The following ERG variants were observed in gnomAD, a reference collection of about 807,000 sequenced individuals.
ERG encodes the protein ETS transcription factor ERG.
In ERG, 9 loss-of-function variants were observed where a neutral mutation model predicts 55.3. The ratio of observed to expected loss-of-function variants is 0.16; its 90% CI spans 0.10 to 0.28. ERG has a LOEUF of 0.28. ERG is among the 10% of genes least tolerant of loss of function. The pLI, the probability that ERG is intolerant of heterozygous loss-of-function variation, is 1.00. For synonymous variants in ERG, 223 were observed against 237.3 expected (o/e 0.94, Z 0.55); for missense variants, 434 against 631.6 (o/e 0.69, Z 3.35).
intron 1 of ERG, among the ~76,000 whole-genome samples, chr21:38,642,089 GT>G (rs2060428596): frequency 6.6e-6 from 1 of 152,236 alleles, no homozygotes; most frequent in Non-Finnish European, 1.5e-5. Context: ...ATACTAGACA[GT>G]TTAAAAGTAA....
chr21:38,572,045 T>C (rs965923624), intron 2 of ERG, among the ~76,000 whole-genome samples: 17 of 152,258 alleles, frequency 1.1e-4, no homozygotes, highest in African/African-American at 3.6e-4. Flanking sequence ...AAAGGAACCA[T>C]TCATGTGCCA....
upstream of ERG, among the ~76,000 whole-genome samples, chr21:38,588,284 G>A (rs1209128200): frequency 1.3e-5 from 2 of 151,888 alleles, no homozygotes; most frequent in Non-Finnish European, 2.9e-5. Context: ...GAAAGCCAAG[G>A]TCAAGGAGTC....
intron 1 of ERG, among the ~76,000 whole-genome samples, chr21:38,455,094 TTTTC>T (rs1250651080): frequency 0.025 from 3,594 of 144,874 alleles, 154 homozygotes; most frequent in African/African-American, 0.088. Context: ...ATAATGTTCT[TTTTC>T]TTTCTTTCTT....
intron 1 of ERG, among the ~76,000 whole-genome samples, chr21:38,641,999 T>C (rs978970783): frequency 3.5e-4 from 53 of 152,220 alleles, no homozygotes; most frequent in African/African-American, 1.2e-3. Context: ...GTTTATAATA[T>C]AGAAAACTAG....
intron 1 of ERG, among the ~76,000 whole-genome samples, chr21:38,473,871 T>A (rs1389000549): frequency 6.6e-6 from 1 of 151,964 alleles, no homozygotes; most frequent in African/African-American, 2.4e-5. Flanking sequence ...TGTATGCATG[T>A]GTATGTGTGA....
intron 3 of ERG, among the ~76,000 whole-genome samples, chr21:38,414,230 A>AT (rs1237871419): frequency 6.6e-6 from 1 of 152,156 alleles, no homozygotes; most frequent in Non-Finnish European, 1.5e-5. Flanking sequence ...TTTCCATATC[A>AT]TCTTCCCTCT....
At chr21:38,569,683 C>G (rs571739660) in intron 2 of ERG, among the ~76,000 whole-genome samples, 17 of 152,340 alleles carry the variant, frequency 1.1e-4, no homozygotes, top group African/African-American at 3.8e-4. Flanking sequence ...TCAGAAGCCC[C>G]TTATGCCTTT....
At chr21:38,492,339 GC>G (rs1250067853) in intron 1 of ERG, among the ~76,000 whole-genome samples, 1 of 152,158 alleles carries the variant, frequency 6.6e-6, no homozygotes, top group Non-Finnish European at 1.5e-5. Context: ...AGATACTACA[GC>G]TACATTTTTT....
chr21:38,536,027 T>C (rs1050254887), intron 2 of ERG, among the ~76,000 whole-genome samples: 17 of 152,192 alleles, frequency 1.1e-4, no homozygotes, highest in African/African-American at 4.1e-4. Context: ...AATCTTGGGT[T>C]ATTACATCTG....
In ERG at chr21:38,620,096, C is replaced by G. The variant is rs73442429; in HGVS notation, c.-149-35151G>C. Among the ~76,000 whole-genome samples the G allele has an allele frequency of 3.2e-3, 486 of 152,304 alleles. 5 individuals are homozygous for G. Among genetic ancestry groups the G allele is most frequent in the African/African-American group, 0.011 (450 of 41,562 alleles). ...TGGTTGGAATATCTGGGCTCTGACT[C>G]CTCCGTAAATCAACATTTAAAGTGT... is the stretch of plus-strand genomic sequence containing the variant. On this transcript the variant is annotated intron_variant, in intron 1 of 10. Transcript: ENST00000398910.
chr21:38,455,213 A>G (rs1281153072), intron 1 of ERG, among the ~76,000 whole-genome samples: 1 of 151,874 alleles, frequency 6.6e-6, no homozygotes, highest in Non-Finnish European at 1.5e-5. Flanking sequence ...TGTGGAATCC[A>G]TAATGCTTTC....
chr21:38,444,936 T>C (rs1243259829), intron 2 of ERG, among the ~76,000 whole-genome samples: 1 of 152,092 alleles, frequency 6.6e-6, no homozygotes, highest in Non-Finnish European at 1.5e-5. Flanking sequence ...TCAGATGAAT[T>C]CTGCCATATG....
At chr21:38,484,453 G>T (rs1027426911) in intron 1 of ERG, among the ~76,000 whole-genome samples, 7 of 152,220 alleles carry the variant, frequency 4.6e-5, no homozygotes, top group Middle Eastern at 6.8e-3. Context: ...TTATTTAACA[G>T]CATCACCCAA....
intron 1 of ERG, among the ~76,000 whole-genome samples, chr21:38,635,749 T>C (rs2060384305): frequency 6.6e-6 from 1 of 152,218 alleles, no homozygotes; most frequent in Non-Finnish European, 1.5e-5. Context: ...AGCTGGGCCA[T>C]TGACATTTGA....
In ERG at chr21:38,644,211, G is replaced by A. The variant is rs147233339; in HGVS notation, c.-150+17447C>T. Among the ~76,000 whole-genome samples, 760 of 152,250 alleles carry A rather than the reference G, an allele frequency of 5.0e-3. 8 individuals carry two copies. The highest frequency in any genetic ancestry group is 0.01 in the Middle Eastern group (3 of 294). On this transcript the variant is annotated intron_variant, in intron 1 of 10. Coordinates refer to the ERG transcript ENST00000398910. Reference sequence around the variant, plus strand: ...GCTTCTGAAATCCAATGGAAGAGGCGGCACCATTTAGTAGCATGACATTCT... The same window carrying A: ...GCTTCTGAAATCCAATGGAAGAGGCAGCACCATTTAGTAGCATGACATTCT...
At chr21:38,559,563 T>C (rs1431797771) in intron 2 of ERG, among the ~76,000 whole-genome samples, 2 of 152,044 alleles carry the variant, frequency 1.3e-5, no homozygotes. Context: ...AAATTTAACG[T>C]CAACCTTAAA....
intron 3 of ERG, among the ~76,000 whole-genome samples, chr21:38,407,597 C>T (rs1175028301): frequency 7.2e-6 from 1 of 138,564 alleles, no homozygotes; most frequent in African/African-American, 2.9e-5. Context: ...AAAATGTATT[C>T]TCTATTTTTC....
chr21:38,516,831 C>T (rs1027404689), intron 2 of ERG, among the ~76,000 whole-genome samples: 13 of 151,786 alleles, frequency 8.6e-5, no homozygotes, highest in African/African-American at 2.4e-4. Flanking sequence ...AGCCAACCGA[C>T]TTTCAACAAA....
chr21:38,400,569 C>T lies in ERG; in HGVS notation c.745+5G>A, dbSNP rs771721355. On this transcript the variant is annotated splice_donor_5th_base_variant and intron_variant, in intron 6 of 9. Transcript: ENST00000288319. ...TGAAGAGATCACACAGGGGTGTTTT[C>T]GTACCTGGCCTAGTTGTAATTCTTT... 10 of 1,611,472 alleles carry T rather than the reference C, an allele frequency of 6.2e-6. No homozygotes were observed. The highest frequency in any genetic ancestry group is 2.2e-5 in the South Asian group (2 of 91,042).
Sources: gnomAD v4.1 joint callset for allele counts (sites outside exome capture counted in the v4.1 genomes callset) on GRCh38, gnomAD v4.1.1 for gene constraint, MANE v1.5 for transcripts, NCBI Gene and HGNC (gene_info 2026-07-23, HGNC 2026-07-21) for gene names.